The following GXYLT2 variants were observed in gnomAD, a reference collection of about 807,000 sequenced individuals.
GXYLT2 encodes glucoside xylosyltransferase 2.
A neutral mutation model predicts 45.8 loss-of-function variants in GXYLT2; 53 were observed. The observed-to-expected ratio is 1.16, with a 90% CI of 0.93 to 1.46. GXYLT2 has a LOEUF of 1.46. GXYLT2 is among the 40% of genes most tolerant of loss of function. The pLI is 0.00. For synonymous variants in GXYLT2, 219 were observed against 214.2 expected (o/e 1.02, Z -0.19); for missense variants, 551 against 544.4 (o/e 1.01, Z -0.12).
At chr3:72,927,888 T>C (rs1380029272) in intron 3 of GXYLT2, among the ~76,000 whole-genome samples, 1 of 152,218 alleles carries the variant, frequency 6.6e-6, no homozygotes, top group Non-Finnish European at 1.5e-5. Flanking sequence ...CTACAACTCT[T>C]GGTTATATGT....
intron 1 of GXYLT2, among the ~76,000 whole-genome samples, chr3:72,893,897 C>T (rs942762969): frequency 2.6e-5 from 4 of 151,476 alleles, no homozygotes; most frequent in Non-Finnish European, 5.9e-5. Flanking sequence ...AAGGGAGTGT[C>T]TAAGCCCACC....
intron 4 of GXYLT2, among the ~76,000 whole-genome samples, chr3:72,956,828 T>C (rs1259942012): frequency 6.7e-6 from 1 of 149,400 alleles, no homozygotes; most frequent in Non-Finnish European, 1.5e-5. Context: ...AGGTGGAGGT[T>C]GCAGTAAGCC....
chr3:72,915,338 C>CTTTTT (rs34611815), intron 2 of GXYLT2, among the ~76,000 whole-genome samples: 2 of 48,754 alleles, frequency 4.1e-5, no homozygotes, highest in African/African-American at 1.8e-4. Context: ...TACCCATTTC[C>CTTTTT]TTTTTTTTTT....
intron 1 of GXYLT2, among the ~76,000 whole-genome samples, chr3:72,904,958 A>G (rs1335674011): frequency 1.4e-5 from 2 of 144,072 alleles, no homozygotes; most frequent in Non-Finnish European, 1.5e-5. Flanking sequence ...CTGAGGCATG[A>G]GAATTGCTTG....
In GXYLT2 at chr3:72,888,228, C is replaced by A. The variant is rs1284268911; in HGVS notation, c.-6C>A. ...CTGGGGGCCGCCGCCGCCGCCGCGC[C>A]GCACCATGAAGCTCCGCAGCAAGGC... On this transcript the variant is annotated 5_prime_UTR_variant, in exon 1 of 7. Coordinates refer to ENST00000389617, the MANE Select transcript of GXYLT2 (RefSeq NM_001080393.2). The A allele has an allele frequency of 1.0e-6, 1 of 990,672 alleles. No homozygotes were observed. Among genetic ancestry groups the A allele is most frequent in the Non-Finnish European group, 1.2e-6 (1 of 835,900 alleles). The allele number at this position is 990,672 out of a possible 1,614,324, so 61.4% of individuals were successfully genotyped here.
intron 3 of GXYLT2, chr3:72,929,153 A>C (rs1028083765): frequency 1.9e-6 from 3 of 1,588,040 alleles, no homozygotes; most frequent in East Asian, 2.2e-5. Context: ...TTACCTGTCC[A>C]TGTCTTACTA....
At chr3:72,963,991 T>G (rs1238934084) in intron 5 of GXYLT2, among the ~76,000 whole-genome samples, 2 of 151,882 alleles carry the variant, frequency 1.3e-5, no homozygotes, top group Admixed American at 1.3e-4. Context: ...TTTAATTTTG[T>G]AGAGACGGGA....
intron 1 of GXYLT2, among the ~76,000 whole-genome samples, chr3:72,889,363 C>T (rs1335176809): frequency 6.6e-6 from 1 of 152,296 alleles, no homozygotes; most frequent in East Asian, 1.9e-4. Context: ...TTGCAACGTC[C>T]TTGTTTGCTG....
chr3:72,890,899 A>T (rs1034604907), intron 1 of GXYLT2, among the ~76,000 whole-genome samples: 1 of 152,206 alleles, frequency 6.6e-6, no homozygotes, highest in African/African-American at 2.4e-5. Context: ...GGGAAGGAGT[A>T]AAAAACAAAA....
intron 3 of GXYLT2, among the ~76,000 whole-genome samples, chr3:72,940,085 G>A (rs1021188761): frequency 1.3e-5 from 2 of 152,164 alleles, no homozygotes; most frequent in Non-Finnish European, 2.9e-5. Flanking sequence ...CTAAGCCCAG[G>A]AGGTGGAGGC....
At chr3:72,919,564 G>A (rs947277763) in intron 2 of GXYLT2, among the ~76,000 whole-genome samples, 6 of 152,220 alleles carry the variant, frequency 3.9e-5, no homozygotes, top group South Asian at 2.1e-4. Context: ...AGACCAGCCT[G>A]ACCAACATGG....
chr3:72,955,193 T>G lies in GXYLT2; in HGVS notation c.696T>G (p.Phe232Leu), dbSNP rs1280072647. 6.2e-7 allele frequency: 1 copy of G among 1,614,050 alleles called. No homozygotes were observed. The highest frequency in any genetic ancestry group is 8.5e-7 in the Non-Finnish European group (1 of 1,179,896). Residue 232 changes from phenylalanine (F) to leucine (L), a missense_variant, in exon 4 of 7, where the codon TTT becomes TTG. By Grantham distance (22) the Phe-to-Leu change is conservative. Transcript: ENST00000389617. ...VDDIWKLLRL[F>L]NSTQLAAMAP... ...ACATCTGGAAGCTTCTGAGGCTGTT[T>G]AATTCCACCCAGCTTGCAGCCATGG...
chr3:72,934,829 T>C (rs573791763), intron 3 of GXYLT2, among the ~76,000 whole-genome samples: 2 of 152,312 alleles, frequency 1.3e-5, no homozygotes, highest in South Asian at 2.1e-4. Context: ...CAGGCCTGTT[T>C]CTACCATGTA....
chr3:72,913,823 T>C (rs1011248618), intron 2 of GXYLT2, among the ~76,000 whole-genome samples: 1 of 152,218 alleles, frequency 6.6e-6, no homozygotes, highest in Non-Finnish European at 1.5e-5. Flanking sequence ...ACGTAAGCCA[T>C]AGAATTTCCT....
At chr3:72,969,325 C>A (rs1488040329) in intron 6 of GXYLT2, among the ~76,000 whole-genome samples, 3 of 149,072 alleles carry the variant, frequency 2.0e-5, no homozygotes, top group Non-Finnish European at 3.0e-5. Context: ...CCCAGGAGTT[C>A]AAGGCTGCAG....
intron 1 of GXYLT2, among the ~76,000 whole-genome samples, chr3:72,905,593 T>C (rs1709495361): frequency 6.6e-6 from 1 of 152,268 alleles, no homozygotes; most frequent in Non-Finnish European, 1.5e-5. Flanking sequence ...GTGAACATTC[T>C]TGCATAGGTC....
intron 2 of GXYLT2, among the ~76,000 whole-genome samples, chr3:72,921,322 A>G (rs936829886): frequency 3.3e-5 from 5 of 152,230 alleles, no homozygotes; most frequent in Non-Finnish European, 5.9e-5. Context: ...AACTGAGGTC[A>G]GCAAACTATG....
intron 3 of GXYLT2, among the ~76,000 whole-genome samples, chr3:72,947,255 C>T (rs1710428649): frequency 6.6e-6 from 1 of 152,066 alleles, no homozygotes; most frequent in African/African-American, 2.4e-5. Flanking sequence ...ATAGAGAAGA[C>T]CCTGGCTGTA....
At chr3:72,970,722 C>T (rs745801000) in intron 6 of GXYLT2, among the ~76,000 whole-genome samples, 2 of 151,920 alleles carry the variant, frequency 1.3e-5, no homozygotes, top group Non-Finnish European at 2.9e-5. Context: ...ATTAGCTGGG[C>T]GTTGTGGCGC....
Sources: allele counts gnomAD v4.1 joint callset (sites outside exome capture counted in the v4.1 genomes callset), GRCh38; gene constraint gnomAD v4.1.1; transcripts MANE v1.5; gene names NCBI Gene and HGNC (gene_info 2026-07-23, HGNC 2026-07-21).